CYB5R4: variants seen among roughly 807,000 people sequenced by gnomAD.
CYB5R4 encodes cytochrome b5 reductase 4, also known as N-terminal cytochrome b5 and cytochrome b5 oxidoreductase domain-containing protein.
In CYB5R4, 55 loss-of-function variants were observed where a neutral mutation model predicts 70.2. The observed-to-expected ratio is 0.78, with a 90% CI of 0.63 to 0.98. The LOEUF (loss-of-function observed/expected upper bound fraction) is 0.98, where lower values mean the gene tolerates loss of function less well. CYB5R4 is among the 50% of genes least tolerant of loss of function. CYB5R4 has a pLI of 0.00. For synonymous variants in CYB5R4, 197 were observed against 199.5 expected (o/e 0.99, Z 0.11); for missense variants, 562 against 612.6 (o/e 0.92, Z 0.87).
intron 2 of CYB5R4, among the ~76,000 whole-genome samples, chr6:83,873,259 T>A: frequency 6.8e-6 from 1 of 146,710 alleles, no homozygotes; most frequent in African/African-American, 2.5e-5. Context: ...TTTTTTTTTT[T>A]GACAGGGTCT....
rs569785162 is a variant in CYB5R4 at position 83,899,975 on chromosome 6, G to T, written c.330+6353G>T. ...TTATGTCTCTATCTCCTTCAGTTCT[G>T]CTCTGATCTTAGTTATTTCTTGCCT... is the stretch of plus-strand genomic sequence containing the variant. On this transcript the variant is annotated intron_variant, in intron 3 of 15. Coordinates refer to ENST00000369681, the MANE Select transcript of CYB5R4 (RefSeq NM_016230.4). Among the ~76,000 whole-genome samples, 15 of 152,082 alleles carry T rather than the reference G, an allele frequency of 9.9e-5. No individual in the cohort carries two copies. In the South Asian group the frequency reaches 3.1e-3, roughly 32 times the overall value.
At chr6:83,956,491 G>T (rs946950357) in intron 15 of CYB5R4, among the ~76,000 whole-genome samples, 3 of 152,094 alleles carry the variant, frequency 2.0e-5, no homozygotes, top group Admixed American at 6.6e-5. Context: ...TTCAGGTTAA[G>T]ATAAAAGATT....
At chr6:83,925,358 A>G (rs1313946309) in intron 10 of CYB5R4, among the ~76,000 whole-genome samples, 3 of 152,150 alleles carry the variant, frequency 2.0e-5, no homozygotes, top group African/African-American at 4.8e-5. Flanking sequence ...GTCAACTCCA[A>G]CTAGGCCCTA....
At chr6:83,931,408 CTTCTCT>C (rs1455383977) in intron 10 of CYB5R4, among the ~76,000 whole-genome samples, 4 of 152,200 alleles carry the variant, frequency 2.6e-5, no homozygotes, top group Non-Finnish European at 5.9e-5. Context: ...CTAGTGCAGT[CTTCTCT>C]TTCTCTTCTA....
intron 3 of CYB5R4, among the ~76,000 whole-genome samples, chr6:83,898,760 CTGTT>C (rs954930270): frequency 3.3e-5 from 5 of 152,114 alleles, no homozygotes; most frequent in Admixed American, 6.5e-5. Flanking sequence ...ATTTGGCTCT[CTGTT>C]TGTCTGTTAT....
In CYB5R4 at chr6:83,962,602, T is replaced by C. The variant is rs1290150692; in HGVS notation, c.*2724T>C. ...CTCACAGTTCCATGGCACAGAAATCTAGGCACAATATGGCTCAACTGGGTC... is the reference window on the plus strand; with the variant it reads ...CTCACAGTTCCATGGCACAGAAATCCAGGCACAATATGGCTCAACTGGGTC... On this transcript the variant is annotated 3_prime_UTR_variant, in exon 16 of 16. Transcript: ENST00000369681. 2 of 152,212 alleles carry C rather than the reference T, an allele frequency of 1.3e-5. No individual in the cohort carries two copies. Among genetic ancestry groups the C allele is most frequent in the African/African-American group, 4.8e-5 (2 of 41,458 alleles). The allele number at this position is 152,212 out of a possible 1,614,324, so 9.4% of individuals were successfully genotyped here.
At chr6:83,933,211 C>A (rs1038572786) in intron 10 of CYB5R4, among the ~76,000 whole-genome samples, 8 of 152,236 alleles carry the variant, frequency 5.3e-5, no homozygotes, top group Middle Eastern at 6.8e-3. Context: ...GGCTCTTAGC[C>A]GTAATCTGGT....
intron 12 of CYB5R4, 41 bp from the exon 13 acceptor site, chr6:83,940,015 G>GTTTT: frequency 2.6e-6 from 3 of 1,158,928 alleles, no homozygotes; most frequent in South Asian, 1.7e-5. Context: ...TTTGTTTTTT[G>GTTTT]TTTTTTTTTT....
intron 1 of CYB5R4, among the ~76,000 whole-genome samples, chr6:83,863,121 C>T (rs757107177): frequency 3.3e-5 from 5 of 152,152 alleles, no homozygotes; most frequent in Non-Finnish European, 5.9e-5. Flanking sequence ...TAATACTTCT[C>T]GTCTGAAAAC....
intron 15 of CYB5R4, among the ~76,000 whole-genome samples, chr6:83,959,423 G>A (rs1431913427): frequency 6.6e-6 from 1 of 152,110 alleles, no homozygotes; most frequent in Non-Finnish European, 1.5e-5. Context: ...GAAAAATGAA[G>A]GTTTTAGGAG....
intron 4 of CYB5R4, among the ~76,000 whole-genome samples, chr6:83,910,756 A>T (rs2099464547): frequency 6.6e-6 from 1 of 152,212 alleles, no homozygotes; most frequent in Admixed American, 6.5e-5. Context: ...AGAGTTGATT[A>T]AAAAAATGAC....
At chr6:83,884,290 A>G (rs2099459925) in intron 2 of CYB5R4, among the ~76,000 whole-genome samples, 1 of 152,040 alleles carries the variant, frequency 6.6e-6, no homozygotes, top group Admixed American at 6.5e-5. Flanking sequence ...CATGATGTCT[A>G]TAAGAGGTAT....
intron 10 of CYB5R4, among the ~76,000 whole-genome samples, chr6:83,932,807 C>G (rs2099468366): frequency 1.3e-5 from 2 of 152,140 alleles, no homozygotes; most frequent in Non-Finnish European, 2.9e-5. Flanking sequence ...ATTTAAGACC[C>G]TACTCATTGT....
At chr6:83,919,700 C>G (rs2099466054) in intron 7 of CYB5R4, among the ~76,000 whole-genome samples, 2 of 151,814 alleles carry the variant, frequency 1.3e-5, no homozygotes, top group Admixed American at 6.6e-5. Context: ...AACATCTGCT[C>G]TTAACAGCCA....
At chr6:83,906,576 GTCTT>G (rs1349117271) in intron 3 of CYB5R4, among the ~76,000 whole-genome samples, 1 of 152,324 alleles carries the variant, frequency 6.6e-6, no homozygotes, top group Non-Finnish European at 1.5e-5. Flanking sequence ...TCCAACCTGA[GTCTT>G]TCTCAGCTCC....
chr6:83,887,483 T>C (rs2099460438), intron 2 of CYB5R4, among the ~76,000 whole-genome samples: 1 of 152,186 alleles, frequency 6.6e-6, no homozygotes, highest in Non-Finnish European at 1.5e-5. Flanking sequence ...GAACAGGTAC[T>C]ACCAGTACAT....
chr6:83,929,792 C>T (rs2099467880), intron 10 of CYB5R4, among the ~76,000 whole-genome samples: 1 of 151,956 alleles, frequency 6.6e-6, no homozygotes, highest in Admixed American at 6.6e-5. Flanking sequence ...AGTCTTGGAT[C>T]ACCAAACAAA....
At chr6:83,923,222 A>C (rs1428528108) in intron 9 of CYB5R4, among the ~76,000 whole-genome samples, 1 of 152,178 alleles carries the variant, frequency 6.6e-6, no homozygotes, top group Non-Finnish European at 1.5e-5. Flanking sequence ...ATAAACATGC[A>C]GCGTAGGTTT....
chr6:83,933,943 G>A (rs34325544), intron 10 of CYB5R4, among the ~76,000 whole-genome samples: 6,467 of 152,152 alleles, frequency 0.043, 139 homozygotes, highest in Middle Eastern at 0.048. Flanking sequence ...CAGTTAAAAT[G>A]TTCTCTAATC....
Sources: gnomAD v4.1 joint callset for allele counts (sites outside exome capture counted in the v4.1 genomes callset) on GRCh38, gnomAD v4.1.1 for gene constraint, MANE v1.5 for transcripts, NCBI Gene and HGNC (gene_info 2026-07-23, HGNC 2026-07-21) for gene names.